The following EXOC4 variants were observed in gnomAD, a reference collection of about 807,000 sequenced individuals.
The protein encoded by EXOC4 is exocyst complex component 4.
In EXOC4, 71 loss-of-function variants were observed where a neutral mutation model predicts 107.2. That is an observed-to-expected ratio of 0.66 (90% CI 0.55 to 0.81). The LOEUF is 0.81. EXOC4 is among the 30% of genes least tolerant of loss of function. The pLI is 0.00. For synonymous variants in EXOC4, 456 were observed against 441.2 expected (o/e 1.03, Z -0.42); for missense variants, 1,108 against 1,189.6 (o/e 0.93, Z 1.01).
At chr7:133,702,421 C>T (rs1794686687) in intron 10 of EXOC4, among the ~76,000 whole-genome samples, 1 of 87,236 alleles carries the variant, frequency 1.1e-5, no homozygotes, top group African/African-American at 4.6e-5. Context: ...TCACTACAAC[C>T]TTGAAATCAT....
intron 10 of EXOC4, among the ~76,000 whole-genome samples, chr7:133,802,710 G>C (rs1319040557): frequency 6.6e-6 from 1 of 151,966 alleles, no homozygotes; most frequent in African/African-American, 2.4e-5. Flanking sequence ...AGCCAGATGT[G>C]GTGGTGGAAG....
At chr7:133,962,852 T>C (rs1266607869) in intron 14 of EXOC4, among the ~76,000 whole-genome samples, 5 of 152,226 alleles carry the variant, frequency 3.3e-5, no homozygotes, top group Non-Finnish European at 7.3e-5. Context: ...AAAATATGTA[T>C]TTAAAATGCA....
At chr7:133,394,940 A>G (rs912305110) in intron 7 of EXOC4, among the ~76,000 whole-genome samples, 1 of 151,616 alleles carries the variant, frequency 6.6e-6, no homozygotes, top group Non-Finnish European at 1.5e-5. Context: ...AAAAGAAACT[A>G]TAAAAATATG....
chr7:133,699,728 A>G (rs570639666), intron 10 of EXOC4, among the ~76,000 whole-genome samples: 2 of 152,300 alleles, frequency 1.3e-5, no homozygotes, highest in South Asian at 2.1e-4. Flanking sequence ...GACATGGACA[A>G]CTTTCACAGT....
intron 7 of EXOC4, among the ~76,000 whole-genome samples, chr7:133,398,084 C>T (rs534631773): frequency 2.2e-4 from 34 of 152,142 alleles, no homozygotes; most frequent in Middle Eastern, 3.4e-3. Flanking sequence ...TTTGGTATGA[C>T]GTCTTATTCA....
chr7:133,857,865 G>A (rs953515281), intron 11 of EXOC4, among the ~76,000 whole-genome samples: 4 of 152,070 alleles, frequency 2.6e-5, no homozygotes, highest in Non-Finnish European at 5.9e-5. Context: ...TCGGCGGATC[G>A]GGCGTGGGGG....
intron 5 of EXOC4, 94 bp from the exon 6 acceptor site, chr7:133,356,236 G>A: frequency 8.1e-7 from 1 of 1,230,348 alleles, no homozygotes; most frequent in Non-Finnish European, 1.1e-6. Context: ...CTTTAAGAGA[G>A]TAATCAAGGC....
intron 9 of EXOC4, among the ~76,000 whole-genome samples, chr7:133,589,183 A>G (rs1399323692): frequency 3.9e-5 from 6 of 152,156 alleles, no homozygotes. Context: ...TCTTTTTTAC[A>G]TTACTAACTG....
chr7:133,959,682 A>G (rs73440877), intron 14 of EXOC4, among the ~76,000 whole-genome samples: 2,457 of 152,188 alleles, frequency 0.016, 88 homozygotes, highest in African/African-American at 0.056. Context: ...CAAGTTAGAA[A>G]GAAAACCCTA....
chr7:133,733,854 T>C (rs1245925407), intron 10 of EXOC4, among the ~76,000 whole-genome samples: 2 of 152,208 alleles, frequency 1.3e-5, no homozygotes, highest in Admixed American at 1.3e-4. Context: ...ATAGAAATCT[T>C]AGGGTGATCT....
chr7:133,665,462 T>G (rs957482137), intron 10 of EXOC4, among the ~76,000 whole-genome samples: 1 of 152,176 alleles, frequency 6.6e-6, no homozygotes, highest in African/African-American at 2.4e-5. Flanking sequence ...TGGCAAATTC[T>G]ATAAATTAAG....
chr7:133,401,648 T>G (rs1797092735), intron 7 of EXOC4, among the ~76,000 whole-genome samples: 1 of 137,250 alleles, frequency 7.3e-6, no homozygotes, highest in Admixed American at 7.2e-5. Context: ...GGTGACCCTG[T>G]CTTAAAAAAA....
intron 10 of EXOC4, among the ~76,000 whole-genome samples, chr7:133,663,842 T>G (rs1159253718): frequency 6.6e-6 from 1 of 152,202 alleles, no homozygotes; most frequent in Non-Finnish European, 1.5e-5. Context: ...TTTTAAAATG[T>G]AAGTCACATT....
intron 11 of EXOC4, among the ~76,000 whole-genome samples, chr7:133,824,271 C>T (rs1382892736): frequency 6.6e-6 from 1 of 151,928 alleles, no homozygotes; most frequent in African/African-American, 2.4e-5. Context: ...GTGTTACCTG[C>T]CTGGCCCTTA....
intron 7 of EXOC4, among the ~76,000 whole-genome samples, chr7:133,435,815 A>C (rs1361546522): frequency 6.6e-6 from 1 of 152,170 alleles, no homozygotes; most frequent in Non-Finnish European, 1.5e-5. Flanking sequence ...TTCTAGAAGT[A>C]TCTAGGTTGA....
intron 14 of EXOC4, among the ~76,000 whole-genome samples, chr7:133,947,601 G>C (rs1444202118): frequency 1.3e-5 from 2 of 152,152 alleles, no homozygotes; most frequent in Non-Finnish European, 2.9e-5. Context: ...TCAATCAGCT[G>C]GTCGTTAGTA....
At chr7:134,052,657 C>A (rs796268349) in intron 17 of EXOC4, among the ~76,000 whole-genome samples, 9 of 152,244 alleles carry the variant, frequency 5.9e-5, no homozygotes, top group African/African-American at 2.2e-4. Context: ...TCTATCATAT[C>A]ATTTGATTAA....
Position 134,064,333 on chromosome 7 carries a change from G to C in EXOC4, c.2730G>C (p.Leu910=). The stretch of plus-strand genomic sequence containing the variant: ...TTTACAACACAGCTGACGAGCTCCT[G>C]AACCTGGTGGTGGACCAGGGTGTGA... ...EMLYNTADEL[L]NLVVDQGVKY... is the part of the protein sequence containing the mutation. Residue 910 remains leucine (L), a synonymous_variant, in exon 18 of 18, where the codon CTG becomes CTC. Coordinates refer to ENST00000253861, the MANE Select transcript of EXOC4 (RefSeq NM_021807.4). The C allele has an allele frequency of 4.0e-6, 6 of 1,514,760 alleles. No individual in the cohort carries two copies. Among genetic ancestry groups the C allele is most frequent in the Non-Finnish European group, 5.3e-6 (6 of 1,122,702 alleles). The allele number at this position is 1,514,760 out of a possible 1,614,324, so 93.8% of individuals were successfully genotyped here. A position where few individuals can be genotyped will look rare whatever the true frequency, so the allele number is the denominator to read the frequency against.
chr7:133,826,477 C>G (rs1038656216), intron 11 of EXOC4, among the ~76,000 whole-genome samples: 1 of 152,134 alleles, frequency 6.6e-6, no homozygotes, highest in Non-Finnish European at 1.5e-5. Context: ...TGAGCTTCCC[C>G]TCTCTCATGT....
Sources: allele counts gnomAD v4.1 joint callset (sites outside exome capture counted in the v4.1 genomes callset), GRCh38; gene constraint gnomAD v4.1.1; transcripts MANE v1.5; gene names NCBI Gene and HGNC (gene_info 2026-07-23, HGNC 2026-07-21).